Variants in SHANK2 observed in about 807,000 individuals in gnomAD.
SHANK2 encodes SH3 and multiple ankyrin repeat domains 2.
Under a neutral mutation model 133.7 loss-of-function variants are expected in SHANK2, and 43 were observed. The observed-to-expected ratio is 0.32, with a 90% CI of 0.25 to 0.41. The LOEUF is 0.41. SHANK2 is among the 10% of genes least tolerant of loss of function. The pLI, the probability that SHANK2 is intolerant of heterozygous loss-of-function variation, is 1.00. For synonymous variants in SHANK2, 1,017 were observed against 952.8 expected (o/e 1.07, Z -1.24); for missense variants, 1,994 against 2,235.8 (o/e 0.89, Z 2.18).
chr11:70,653,163 C>T (rs1479139826), intron 17 of SHANK2, among the ~76,000 whole-genome samples: 3 of 151,968 alleles, frequency 2.0e-5, no homozygotes, highest in Non-Finnish European at 2.9e-5. Context: ...TTAGTAGAGA[C>T]GGGGTTTCAC....
intron 21 of SHANK2, among the ~76,000 whole-genome samples, chr11:70,495,087 C>T (rs1267116929): frequency 6.6e-6 from 1 of 152,224 alleles, no homozygotes; most frequent in African/African-American, 2.4e-5. Context: ...TGGCTGTGAC[C>T]TGTGACCCCA....
rs577791474 is a variant in SHANK2, at chr11:70,662,041, G to A, written c.1854-363C>T. The A allele has an allele frequency of 1.9e-3, 954 of 513,108 alleles. 15 individuals carry two copies. The highest frequency in any genetic ancestry group is 0.016 in the South Asian group (768 of 48,946). The allele number at this position is 513,108 out of a possible 1,614,324, so 31.8% of individuals were successfully genotyped here. On this transcript the variant is annotated intron_variant, in intron 15 of 25. Transcript: ENST00000601538. ...GCAAAGAAAGTAAGTGGCCCGAACG[G>A]CGGCGGCGGCAGCGGCGGCCTCAGC...
chr11:70,850,711 C>T (rs781940877), intron 11 of SHANK2, among the ~76,000 whole-genome samples: 20 of 152,264 alleles, frequency 1.3e-4, no homozygotes, highest in African/African-American at 4.1e-4. Context: ...CTGAGGCACC[C>T]GGACCTTCTA....
chr11:71,113,349 G>T lies in SHANK2; in HGVS notation c.427C>A (p.Arg143=). 6.4e-7 allele frequency: 1 copy of T among 1,551,598 alleles called. No homozygotes were observed. Among genetic ancestry groups the T allele is most frequent in the East Asian group, 2.4e-5 (1 of 40,932 alleles). ...VPSLEFRYKK[R]VYKQASLDEK... ...TCGAGACTGGCTTGTTTATACACCC[G>T]CTTCTTGTATCGAAACTGGCACAGA... is the stretch of plus-strand genomic sequence containing the variant. Residue 143 remains arginine, a synonymous_variant, in exon 5 of 26, where the codon CGG becomes AGG. Transcript: ENST00000601538.
chr11:70,548,908 G>C (rs1200515254), intron 17 of SHANK2, among the ~76,000 whole-genome samples: 2 of 152,158 alleles, frequency 1.3e-5, no homozygotes, highest in African/African-American at 4.8e-5. Flanking sequence ...GCTGCTGCAA[G>C]CCAAGGGGTG....
intron 11 of SHANK2, among the ~76,000 whole-genome samples, chr11:70,894,794 G>T (rs775857291): frequency 1.3e-4 from 20 of 152,144 alleles, no homozygotes; most frequent in Non-Finnish European, 2.1e-4. Context: ...CGTCATGGGC[G>T]GGACCTGTGC....
Position 70,820,697 on chromosome 11 carries a change from A to G in SHANK2, c.1175-15T>C, listed in dbSNP as rs2135346542. 1.5e-6 allele frequency: 1 copy of G among 655,512 alleles called. No individual in the cohort carries two copies. Among genetic ancestry groups the G allele is most frequent in the South Asian group, 1.7e-5 (1 of 59,088 alleles). 40.6% of individuals were successfully genotyped at this position (655,512 alleles called of 1,614,324 possible). ...TCGGAAGGGCACTGGGGAGAAGGAC[A>G]TGGAGAGAGGCCGGTGAGTGCATCT... On this transcript the variant is annotated splice_polypyrimidine_tract_variant and intron_variant, in intron 11 of 25. Transcript: ENST00000601538.
intron 4 of SHANK2, among the ~76,000 whole-genome samples, chr11:71,116,141 G>A (rs1040142649): frequency 3.9e-5 from 6 of 152,114 alleles, no homozygotes; most frequent in Non-Finnish European, 7.3e-5. Context: ...GTGCAGACGC[G>A]GCATCACCTT....
intron 17 of SHANK2, among the ~76,000 whole-genome samples, chr11:70,526,834 C>A (rs184949156): frequency 8.4e-4 from 128 of 151,876 alleles, no homozygotes; most frequent in African/African-American, 3.0e-3. Context: ...TGCTGCCGAC[C>A]TCTGCAGGCC....
intron 17 of SHANK2, among the ~76,000 whole-genome samples, chr11:70,521,927 T>A (rs180882570): frequency 1.1e-4 from 17 of 152,370 alleles, no homozygotes; most frequent in African/African-American, 3.1e-4. Context: ...TGGTGCTTAG[T>A]GTTCTGCTCT....
intron 17 of SHANK2, among the ~76,000 whole-genome samples, chr11:70,599,917 A>AAGAT (rs781965109): frequency 1.0e-4 from 8 of 77,536 alleles, no homozygotes; most frequent in African/African-American, 4.2e-4. Flanking sequence ...GAAAGAAAGA[A>AAGAT]AGAAAGAAAG....
intron 17 of SHANK2, among the ~76,000 whole-genome samples, chr11:70,520,743 T>A (rs2135927026): frequency 6.6e-6 from 1 of 152,334 alleles, no homozygotes; most frequent in South Asian, 2.1e-4. Context: ...ATTCCTCCCT[T>A]TATCTTTCAG....
At chr11:70,559,838 C>G (rs2059883929) in intron 17 of SHANK2, among the ~76,000 whole-genome samples, 1 of 151,116 alleles carries the variant, frequency 6.6e-6, no homozygotes, top group African/African-American at 2.4e-5. Flanking sequence ...TCTTCCTGCC[C>G]CAGACCACCC....
Position 70,473,303 on chromosome 11 carries a change from G to A in SHANK2, c.5116C>T (p.Arg1706Cys), listed in dbSNP as rs370486550. 21 of 1,613,892 alleles carry A rather than the reference G, an allele frequency of 1.3e-5. 1 individual carries two copies. Among genetic ancestry groups the A allele is most frequent in the Middle Eastern group, 1.6e-4 (1 of 6,084 alleles). The change falls in exon 26 of 26, where the codon CGT (arginine) becomes TGT (cysteine). Residue 1706 changes from arginine (R) to cysteine (C), a missense_variant. By Grantham distance (180) the Arg-to-Cys change is radical. Around this residue, in one of 5 missense-constraint regions of SHANK2, gnomAD observed 797 missense variants for 907.4 expected, o/e 0.88. Coordinates refer to ENST00000601538, the MANE Select transcript of SHANK2 (RefSeq NM_012309.5). The surrounding 1 kb of genome is among the most constrained non-coding windows in gnomAD (Gnocchi z 5.9). ...GGCGAGACCACAGGGCTTGGGGCAC[G>A]TCTTGTTCCTGAGGTCCTGCTTTCA... ...DYESRTSGTR[R>C]APSPVVSPTE...
intron 2 of SHANK2, among the ~76,000 whole-genome samples, chr11:71,170,810 G>A (rs550659068): frequency 2.6e-5 from 4 of 152,348 alleles, no homozygotes; most frequent in African/African-American, 9.6e-5. Flanking sequence ...CAGGACAAGG[G>A]TCAGACCTTC....
At chr11:70,953,808 TTGATG>T in intron 10 of SHANK2, among the ~76,000 whole-genome samples, 1 of 152,168 alleles carries the variant, frequency 6.6e-6, no homozygotes, top group East Asian at 1.9e-4. Context: ...CTCAATCAAG[TTGATG>T]TGTAACATTA....
chr11:70,954,203 A>G (rs1294445155), intron 10 of SHANK2, among the ~76,000 whole-genome samples: 1 of 152,242 alleles, frequency 6.6e-6, no homozygotes, highest in East Asian at 1.9e-4. Context: ...GTTGGGGCTC[A>G]TTTAACAAGG....
At chr11:70,572,116 G>A (rs1253108749) in intron 17 of SHANK2, among the ~76,000 whole-genome samples, 1 of 152,202 alleles carries the variant, frequency 6.6e-6, no homozygotes, top group African/African-American at 2.4e-5. Context: ...CGGCCCTGCC[G>A]GCATCCTATT....
chr11:70,701,073 A>T (rs1555023494), intron 14 of SHANK2, among the ~76,000 whole-genome samples: 1 of 152,168 alleles, frequency 6.6e-6, no homozygotes, highest in Non-Finnish European at 1.5e-5. Flanking sequence ...GCTGGGTGCT[A>T]CCAGCTGATT....
Sources: gnomAD v4.1 joint callset for allele counts (sites outside exome capture counted in the v4.1 genomes callset) on GRCh38, gnomAD v4.1.1 for gene constraint, gnomAD v4.1.1 regional missense constraint, Gnocchi (gnomAD v3.1) non-coding constraint, MANE v1.5 for transcripts, NCBI Gene and HGNC (gene_info 2026-07-23, HGNC 2026-07-21) for gene names.